Variants in CACNA1C observed in about 807,000 individuals in gnomAD.
CACNA1C encodes voltage-dependent L-type calcium channel subunit alpha-1C.
In CACNA1C, 30 loss-of-function variants were observed where a neutral mutation model predicts 229.0. That is an observed-to-expected ratio of 0.13 (90% CI 0.10 to 0.18). The LOEUF (loss-of-function observed/expected upper bound fraction) is 0.18, where lower values mean the gene tolerates loss of function less well. Ranked by LOEUF, CACNA1C falls within the 10% of genes least tolerant of loss-of-function variation. CACNA1C has a pLI of 1.00. For synonymous variants in CACNA1C, 1,114 were observed against 1,132.5 expected, an observed-to-expected ratio of 0.98 and a Z score of 0.33; for missense variants, 1,658 against 2,845.0, an observed-to-expected ratio of 0.58 and a Z score of 9.49.
chr12:2,221,158 A>G (rs1397453607), intron 3 of CACNA1C, among the ~76,000 whole-genome samples: 1 of 152,216 alleles, frequency 6.6e-6, no homozygotes, highest in East Asian at 1.9e-4. Context: ...TCAGAAACAG[A>G]AGAGCAAGGC....
At chr12:2,399,930 C>A (rs1214717073) in intron 3 of CACNA1C, among the ~76,000 whole-genome samples, 1 of 152,204 alleles carries the variant, frequency 6.6e-6, no homozygotes, top group East Asian at 1.9e-4. Flanking sequence ...GCCAATGTGT[C>A]TGCCTGTATG....
intron 1 of CACNA1C, among the ~76,000 whole-genome samples, chr12:2,066,471 T>C (rs905520750): frequency 2.0e-5 from 3 of 152,026 alleles, no homozygotes; most frequent in African/African-American, 7.3e-5. Context: ...GAGGCCGTCA[T>C]TGCTGAATGG....
chr12:2,240,214 C>G (rs1380767759), intron 3 of CACNA1C, among the ~76,000 whole-genome samples: 1 of 152,180 alleles, frequency 6.6e-6, no homozygotes, highest in Non-Finnish European at 1.5e-5. Flanking sequence ...AGAGAAACCT[C>G]GATTGTTTCC....
intron 11 of CACNA1C, among the ~76,000 whole-genome samples, chr12:2,559,185 C>A (rs546647126): frequency 1.1e-4 from 16 of 152,258 alleles, no homozygotes; most frequent in African/African-American, 3.4e-4. Context: ...AAAGCCCCCA[C>A]ACAATAAGAG....
rs1239194914 is a variant in CACNA1C at position 2,403,477 on chromosome 12, AC to A, written c.478-45497del. ...GACTCCTGCACTGGCCTCACCTCTC[AC>A]CAGCTCTGCAAGGCCCGGAGCTGCC... is the stretch of plus-strand genomic sequence containing the variant. On this transcript the variant is annotated intron_variant, in intron 3 of 46. Transcript: ENST00000399655. This position sits in a 1 kb window ranked among gnomAD's most constrained non-coding sequence, Gnocchi z 4.1. Among the ~76,000 whole-genome samples, 3 of 152,042 alleles carry A rather than the reference AC, an allele frequency of 2.0e-5. No homozygotes were observed. Among genetic ancestry groups the A allele is most frequent in the Admixed American group, 1.3e-4 (2 of 15,262 alleles).
intron 1 of CACNA1C, among the ~76,000 whole-genome samples, chr12:2,088,406 C>T (rs959197889): frequency 2.0e-5 from 3 of 152,116 alleles, no homozygotes; most frequent in African/African-American, 4.8e-5. Flanking sequence ...GGTTAGAGCA[C>T]GTACTTTGCT....
At chr12:2,130,468 C>A (rs1203187241) in intron 3 of CACNA1C, among the ~76,000 whole-genome samples, 1 of 117,472 alleles carries the variant, frequency 8.5e-6, no homozygotes, top group East Asian at 2.8e-4. Flanking sequence ...CCCACCCCAC[C>A]ACAGTCCCCA....
At chr12:2,277,210 G>A (rs895014726) in intron 3 of CACNA1C, among the ~76,000 whole-genome samples, 7 of 152,128 alleles carry the variant, frequency 4.6e-5, no homozygotes, top group African/African-American at 1.7e-4. Flanking sequence ...TGGAAACACA[G>A]GGTCAGGGGC....
At chr12:2,577,108 C>T (rs2058692885) in intron 13 of CACNA1C, among the ~76,000 whole-genome samples, 2 of 152,182 alleles carry the variant, frequency 1.3e-5, no homozygotes, top group South Asian at 4.1e-4. Flanking sequence ...GCAGGCCTGC[C>T]TCGGGCCCAA....
In CACNA1C at chr12:2,608,507, G is replaced by A. The variant is rs1230866991; in HGVS notation, c.3357-4G>A. On this transcript the variant is annotated splice_polypyrimidine_tract_variant and splice_region_variant and intron_variant, in intron 26 of 46. Coordinates refer to ENST00000399655, the MANE Select transcript of CACNA1C (RefSeq NM_000719.7). The surrounding 1 kb of genome is among the most constrained non-coding windows in gnomAD (Gnocchi z 4.2). ...CCCTCTGTGGGACCTGTCTCCTCCT[G>A]CAGGCTGCTGTACCGCTCCATCGAC... 3.7e-6 allele frequency: 6 copies of A among 1,600,990 alleles called. No homozygotes were observed. Among genetic ancestry groups the A allele is most frequent in the Non-Finnish European group, 5.1e-6 (6 of 1,172,026 alleles).
At chr12:2,280,909 A>G (rs183117577) in intron 3 of CACNA1C, among the ~76,000 whole-genome samples, 69 of 152,326 alleles carry the variant, frequency 4.5e-4, no homozygotes, top group African/African-American at 1.4e-3. Flanking sequence ...TTGACTTATT[A>G]GCTAAAATCC....
At chr12:2,568,572 A>T (rs1251570630) in intron 13 of CACNA1C, among the ~76,000 whole-genome samples, 1 of 152,236 alleles carries the variant, frequency 6.6e-6, no homozygotes, top group Non-Finnish European at 1.5e-5. Context: ...ATACAGTTCA[A>T]TATTATTCAG....
chr12:2,372,131 T>C (rs909764649), intron 3 of CACNA1C, among the ~76,000 whole-genome samples: 3 of 152,334 alleles, frequency 2.0e-5, no homozygotes, highest in Non-Finnish European at 4.4e-5. Flanking sequence ...GAACAGATAG[T>C]ATATGATGTA....
In CACNA1C at chr12:2,242,418, G is replaced by A. The variant is rs148273267; in HGVS notation, c.477+121988G>A. ...ACTGTGATGAACTGAAATGACAGGT[G>A]TTTCCTAAAGGTGGCGGCCACAGCA... is the stretch of plus-strand genomic sequence containing the variant. On this transcript the variant is annotated intron_variant, in intron 3 of 46. Coordinates refer to ENST00000399655, the MANE Select transcript of CACNA1C (RefSeq NM_000719.7). Among the ~76,000 whole-genome samples the A allele has an allele frequency of 1.1e-3, 165 of 152,318 alleles. No individual in the cohort carries two copies. The East Asian group carries it at 0.029, about 27-fold the overall frequency.
intron 3 of CACNA1C, among the ~76,000 whole-genome samples, chr12:2,164,578 C>T (rs942634415): frequency 1.3e-5 from 2 of 152,204 alleles, no homozygotes; most frequent in Admixed American, 6.5e-5. Context: ...TGGCTTATCA[C>T]CCGCACCTCT....
chr12:2,083,987 G>T (rs1449261793), intron 1 of CACNA1C, among the ~76,000 whole-genome samples: 1 of 152,106 alleles, frequency 6.6e-6, no homozygotes, highest in African/African-American at 2.4e-5. Flanking sequence ...TAGGTGTGTT[G>T]TTTTCATAAA....
At position 2,691,169 on chromosome 12, in the gene CACNA1C, G is replaced by A. The variant is rs764237716; in HGVS notation, c.6387G>A (p.Gln2129=). 2.5e-6 allele frequency: 4 copies of A among 1,598,162 alleles called. No individual in the cohort carries two copies. The highest frequency in any genetic ancestry group is 3.4e-5 in the Admixed American group (2 of 58,952). ...GTCGACCGAGTGAGGAGGAGCTCCA[G>A]GACAGCAGGGTCTACGTCAGCAGCC... is the stretch of plus-strand genomic sequence containing the variant. ...ARGRPSEEEL[Q]DSRVYVSSL is the part of the protein sequence containing the mutation. Residue 2129 remains glutamine, a synonymous_variant, in exon 47 of 47, where the codon CAG becomes CAA. Transcript: ENST00000399655.
At chr12:2,676,884 C>T in intron 39 of CACNA1C, 1 of 451,130 alleles carries the variant, frequency 2.2e-6, no homozygotes, top group South Asian at 3.1e-5. Context: ...GAGGTGGTGA[C>T]TAGGCAGATA....
intron 30 of CACNA1C, among the ~76,000 whole-genome samples, chr12:2,641,086 C>T (rs948697842): frequency 6.6e-6 from 1 of 152,208 alleles, no homozygotes. Context: ...TGAGTGCCCC[C>T]CACTGCCCAT....
Sources: gnomAD v4.1 joint callset for allele counts (sites outside exome capture counted in the v4.1 genomes callset) on GRCh38, gnomAD v4.1.1 for gene constraint, Gnocchi (gnomAD v3.1) non-coding constraint, MANE v1.5 for transcripts, NCBI Gene and HGNC (gene_info 2026-07-23, HGNC 2026-07-21) for gene names.